Variants in GLIS3 observed in about 807,000 individuals in gnomAD.
The protein encoded by GLIS3 is zinc finger protein GLIS3.
In GLIS3, 53 loss-of-function variants were observed where a neutral mutation model predicts 78.6. That is an observed-to-expected ratio of 0.67 (90% CI 0.54 to 0.85). The LOEUF (loss-of-function observed/expected upper bound fraction) is 0.85, where lower values mean the gene tolerates loss of function less well. Among genes scored for constraint, GLIS3 ranks in the 40% least tolerant of loss-of-function variants. GLIS3 has a pLI of 0.00. For synonymous variants in GLIS3, 684 were observed against 509.9 expected, an observed-to-expected ratio of 1.34 and a Z score of -4.60; for missense variants, 1,703 against 1,231.1, an observed-to-expected ratio of 1.38 and a Z score of -5.74.
intron 2 of GLIS3, among the ~76,000 whole-genome samples, chr9:4,153,247 T>C (rs753689692): frequency 5.0e-4 from 76 of 152,260 alleles, no homozygotes; most frequent in Non-Finnish European, 1.0e-3. Context: ...AATAAAATAG[T>C]ACTAATAATC....
chr9:4,130,038 C>T (rs1479013970), intron 2 of GLIS3, among the ~76,000 whole-genome samples: 2 of 152,062 alleles, frequency 1.3e-5, no homozygotes, highest in Non-Finnish European at 2.9e-5. Flanking sequence ...GGCATTGTGC[C>T]CCTGCTCTCG....
intron 4 of GLIS3, among the ~76,000 whole-genome samples, chr9:4,084,256 A>AACAC (rs370384726): frequency 0.05 from 6,647 of 132,102 alleles, 214 homozygotes; most frequent in Middle Eastern, 0.11. Flanking sequence ...TCCTCTCTCT[A>AACAC]ACACACACAC....
chr9:4,089,769 C>T (rs1363594781), intron 4 of GLIS3, among the ~76,000 whole-genome samples: 2 of 152,024 alleles, frequency 1.3e-5, no homozygotes, highest in South Asian at 2.1e-4. Context: ...TGGTGAGCTA[C>T]GATCATGCCA....
chr9:4,298,410 AATC>A (rs758909360), intron 1 of GLIS3: 2 of 455,910 alleles, frequency 4.4e-6, no homozygotes, highest in South Asian at 3.1e-5. Context: ...TAGGATGACA[AATC>A]AGCCAGGGCC....
At chr9:4,459,994 G>T in the GLIS3 span, among the ~76,000 whole-genome samples, 1 of 152,106 alleles carries the variant, frequency 6.6e-6, no homozygotes, top group Non-Finnish European at 1.5e-5. Context: ...AATAATAGAG[G>T]CACACTCTAA....
chr9:3,841,076 C>G (rs147609283), intron 9 of GLIS3, among the ~76,000 whole-genome samples: 1 of 152,038 alleles, frequency 6.6e-6, no homozygotes, highest in African/African-American at 2.4e-5. Context: ...GGGAAAAAAC[C>G]GAGTGAGAAG....
intron 6 of GLIS3, among the ~76,000 whole-genome samples, chr9:3,903,446 C>T (rs906828604): frequency 1.4e-4 from 21 of 152,184 alleles, no homozygotes; most frequent in African/African-American, 4.6e-4. Flanking sequence ...AAAGGACTGC[C>T]GTGTTGCATG....
intron 4 of GLIS3, among the ~76,000 whole-genome samples, chr9:3,944,179 A>AAAAATG (rs1816131177): frequency 6.6e-6 from 1 of 152,228 alleles, no homozygotes; most frequent in East Asian, 1.9e-4. Flanking sequence ...GTTCGGCTTA[A>AAAAATG]AAAATGAAAA....
At chr9:4,257,100 T>A (rs1825022084) in intron 2 of GLIS3, among the ~76,000 whole-genome samples, 1 of 152,228 alleles carries the variant, frequency 6.6e-6, no homozygotes, top group Admixed American at 6.5e-5. Flanking sequence ...TATATGTATG[T>A]ATACCACAAC....
At chr9:3,976,167 G>C (rs1818769187) in intron 4 of GLIS3, among the ~76,000 whole-genome samples, 1 of 151,910 alleles carries the variant, frequency 6.6e-6, no homozygotes, top group South Asian at 2.1e-4. Flanking sequence ...CATATGTTTT[G>C]TACTATTTAA....
the GLIS3 span, among the ~76,000 whole-genome samples, chr9:4,483,406 C>G: frequency 6.6e-6 from 1 of 152,130 alleles, no homozygotes; most frequent in Non-Finnish European, 1.5e-5. Flanking sequence ...TGTAACAACT[C>G]TATATTTGTT....
At chr9:4,084,902 A>G (rs1828893014) in intron 4 of GLIS3, among the ~76,000 whole-genome samples, 1 of 151,898 alleles carries the variant, frequency 6.6e-6, no homozygotes, top group South Asian at 2.1e-4. Context: ...TCTTGCATTC[A>G]TATTGATGCA....
chr9:4,216,508 G>GAAAAT (rs545923136), intron 2 of GLIS3, among the ~76,000 whole-genome samples: 507 of 136,508 alleles, frequency 3.7e-3, no homozygotes, highest in South Asian at 8.5e-3. Flanking sequence ...GAAAAGAAAA[G>GAAAAT]AAAAAGAAAA....
rs1588546179 is a variant in GLIS3, at chr9:4,052,015, G to C, written c.1710+65753C>G. On this transcript the variant is annotated intron_variant, in intron 4 of 10. Coordinates refer to ENST00000381971, the MANE Select transcript of GLIS3 (RefSeq NM_001042413.2). ...TTACAGATTAGAGTGCATTGGGAGA[G>C]GCCCGGGTATAAAACACATCCTGTT... Among the ~76,000 whole-genome samples the C allele has an allele frequency of 2.0e-5, 3 of 152,290 alleles. No homozygotes were observed. In the South Asian group the frequency reaches 6.2e-4, roughly 32 times the overall value.
rs373940868 is a variant in GLIS3 at position 4,013,837 on chromosome 9, C to T, written c.1711-76648G>A. On this transcript the variant is annotated intron_variant, in intron 4 of 10. Transcript: ENST00000381971. ...TCTGGATGATCCAACTGTGAAGGGA[C>T]GAGGCAAAGCACATGAACATTAAGT... Among the ~76,000 whole-genome samples the T allele has an allele frequency of 7.9e-5, 12 of 152,198 alleles. No homozygotes were observed. In the East Asian group the frequency reaches 9.6e-4, roughly 12 times the overall value.
intron 2 of GLIS3, among the ~76,000 whole-genome samples, chr9:4,163,866 C>G (rs1028719449): frequency 6.6e-6 from 1 of 152,142 alleles, no homozygotes; most frequent in South Asian, 2.1e-4. Context: ...ATAATAATAA[C>G]AACATATAAT....
At chr9:3,982,884 G>A (rs1030057521) in intron 4 of GLIS3, among the ~76,000 whole-genome samples, 1 of 152,178 alleles carries the variant, frequency 6.6e-6, no homozygotes, top group South Asian at 2.1e-4. Flanking sequence ...AGGGTCACTG[G>A]CTCTTAAATA....
the GLIS3 span, among the ~76,000 whole-genome samples, chr9:4,483,401 C>G: frequency 8.0e-3 from 1,218 of 152,194 alleles, 16 homozygotes; most frequent in African/African-American, 0.028. Context: ...TTTTTTGTAA[C>G]AACTCTATAT....
intron 2 of GLIS3, chr9:4,150,899 T>G (rs1488833298): frequency 6.6e-6 from 1 of 152,234 alleles, no homozygotes; most frequent in Non-Finnish European, 1.5e-5. Flanking sequence ...ACTACTTTTT[T>G]GGGGCTGTCA....
Sources: gnomAD v4.1 joint callset for allele counts (sites outside exome capture counted in the v4.1 genomes callset) on GRCh38, gnomAD v4.1.1 for gene constraint, MANE v1.5 for transcripts, NCBI Gene and HGNC (gene_info 2026-07-23, HGNC 2026-07-21) for gene names.